RBBP6: variants seen among roughly 807,000 people sequenced by gnomAD.
The protein encoded by RBBP6 is RB binding protein 6, ubiquitin ligase, also known as E3 ubiquitin-protein ligase RBBP6.
A neutral mutation model predicts 167.7 loss-of-function variants in RBBP6; 25 were observed. The observed-to-expected ratio is 0.15, with a 90% CI of 0.11 to 0.21. The LOEUF (loss-of-function observed/expected upper bound fraction) is 0.21. Ranked by LOEUF, RBBP6 falls within the 10% of genes least tolerant of loss-of-function variation. The probability of loss-of-function intolerance (pLI) is 1.00; values close to 1 mark genes in which losing one functional copy is unlikely to be tolerated. For synonymous variants in RBBP6, 789 were observed against 735.8 expected (o/e 1.07, Z -1.17); for missense variants, 1,868 against 2,134.2 (o/e 0.88, Z 2.46).
In RBBP6 at chr16:24,569,355, C is replaced by A. The variant is rs367857102; in HGVS notation, c.2665C>A (p.His889Asn). The A allele has an allele frequency of 1.1e-4, 172 of 1,613,886 alleles. No individual in the cohort carries two copies. Among genetic ancestry groups the A allele is most frequent in the Non-Finnish European group, 1.3e-4 (159 of 1,180,026 alleles). The change falls in exon 17 of 18, where the codon CAT becomes AAT. Residue 889 changes from histidine (H) to asparagine (N), a missense_variant. By Grantham distance (68) the His-to-Asn change is moderately conservative. This residue lies in a region of RBBP6 where 673 missense variants were observed against 691.5 expected (regional missense o/e 0.97). Coordinates refer to ENST00000319715, the MANE Select transcript of RBBP6 (RefSeq NM_006910.5). ...AGAAGACTATGTTGGTGGGCAAAGT[C>A]ATAGAAGTCGAAACATAGGTAGCAA... ...RREDYVGGQS[H>N]RSRNIGSNYP...
chr16:24,564,913 A>T (rs769952192), intron 14 of RBBP6, 48 bp downstream of exon 14: 1 of 1,564,978 alleles, frequency 6.4e-7, no homozygotes, highest in African/African-American at 1.4e-5. Flanking sequence ...TTTTTTATAT[A>T]TATATCTCAC....
At chr16:24,560,935 G>A (rs1013092603) in intron 8 of RBBP6, among the ~76,000 whole-genome samples, 11 of 152,160 alleles carry the variant, frequency 7.2e-5, no homozygotes, top group African/African-American at 2.4e-4. Flanking sequence ...CCTCTTCAGT[G>A]AAGACCAAGG....
At chr16:24,547,471 GT>G (rs1357095693) in intron 2 of RBBP6, among the ~76,000 whole-genome samples, 1 of 151,934 alleles carries the variant, frequency 6.6e-6, no homozygotes, top group Non-Finnish European at 1.5e-5. Flanking sequence ...GTTTTGTTTT[GT>G]TTTTTCCTGA....
At chr16:24,551,087 T>C (rs1596502581) in intron 3 of RBBP6, among the ~76,000 whole-genome samples, 1 of 152,008 alleles carries the variant, frequency 6.6e-6, no homozygotes, top group East Asian at 1.9e-4. Context: ...TCCATCCATG[T>C]TGATACCCCA....
At chr16:24,546,854 T>A (rs1898667375) in intron 2 of RBBP6, among the ~76,000 whole-genome samples, 1 of 152,208 alleles carries the variant, frequency 6.6e-6, no homozygotes, top group African/African-American at 2.4e-5. Context: ...CGTGAGTACT[T>A]AACTCTAGAG....
At chr16:24,560,214 A>G (rs1899016551) in intron 8 of RBBP6, among the ~76,000 whole-genome samples, 2 of 150,814 alleles carry the variant, frequency 1.3e-5, no homozygotes, top group South Asian at 2.1e-4. Context: ...GCTTCACACA[A>G]TTCTGCCTCA....
At chr16:24,547,980 C>T (rs1452551724) in intron 2 of RBBP6, among the ~76,000 whole-genome samples, 2 of 151,516 alleles carry the variant, frequency 1.3e-5, no homozygotes, top group East Asian at 1.9e-4. Flanking sequence ...AAATTTGCCT[C>T]ATAAAATGCA....
rs1243307883 is a variant in RBBP6 at position 24,555,644 on chromosome 16, T to C, written c.378T>C (p.Ser126=). 1.2e-6 allele frequency: 2 copies of C among 1,613,124 alleles called. No homozygotes were observed. The highest frequency in any genetic ancestry group is 2.7e-5 in the African/African-American group (2 of 74,882). Residue 126 remains serine (S), a synonymous_variant, in exon 5 of 18, where the codon TCT becomes TCC. Coordinates refer to ENST00000319715, the MANE Select transcript of RBBP6 (RefSeq NM_006910.5). The part of the protein sequence containing the change: ...KTANLAEANA[S]EEDKIKAMMS... ...CCAATCTGGCTGAAGCCAATGCTTC[T>C]GAAGAAGATAAAATTAAAGCAATGA...
At chr16:24,568,600 G>T in intron 16 of RBBP6, 145 bp from the exon 17 acceptor site, 1 of 1,196,402 alleles carries the variant, frequency 8.4e-7, no homozygotes, top group Non-Finnish European at 1.1e-6. Flanking sequence ...TCCAGTAGAG[G>T]TCACTGTGCC....
Position 24,546,184 on chromosome 16 carries a change from T to C in RBBP6, c.188T>C (p.Leu63Pro), listed in dbSNP as rs1397057372. 1.3e-6 allele frequency: 2 copies of C among 1,586,860 alleles called. No individual in the cohort carries two copies. The highest frequency in any genetic ancestry group is 1.8e-5 in the Admixed American group (1 of 54,218). ...ACAGAATATACTGATGATAATGCTC[T>C]GATTCCTAAGAATTCTTCTGTAATT... is the stretch of plus-strand genomic sequence containing the variant. The part of the protein sequence containing the change: ...TKEEYTDDNA[L>P]IPKNSSVIVR... The change falls in exon 2 of 18, where the codon CTG (leucine) becomes CCG (proline). Residue 63 changes from leucine to proline, a missense_variant. By Grantham distance (98) the Leu-to-Pro change is moderately conservative. This residue lies in a region of RBBP6 where 184 missense variants were observed against 327.7 expected (regional missense o/e 0.56). Transcript: ENST00000319715.
chr16:24,564,711 T>C, intron 13 of RBBP6, 86 bp from the exon 14 acceptor site: 1 of 1,438,710 alleles, frequency 7.0e-7, no homozygotes, highest in Non-Finnish European at 9.2e-7. Context: ...GTAGTTAAAA[T>C]TGGTGTCTTA....
chr16:24,567,934 GA>G (rs760713686), intron 16 of RBBP6, 41 bp downstream of exon 16: 2 of 1,498,442 alleles, frequency 1.3e-6, no homozygotes, highest in Non-Finnish European at 1.9e-6. Context: ...TTACAAACGG[GA>G]CTTTGAATAT....
chr16:24,549,141 T>C (rs992849028), intron 3 of RBBP6, 160 bp downstream of exon 3: 1 of 1,473,098 alleles, frequency 6.8e-7, no homozygotes, highest in Non-Finnish European at 9.0e-7. Flanking sequence ...ATGGATAATA[T>C]GTGGCATCAC....
chr16:24,546,115 G>C lies in RBBP6; in HGVS notation c.167-48G>C, dbSNP rs761544865. The C allele has an allele frequency of 7.9e-6, 12 of 1,520,926 alleles. No homozygotes were observed. In the African/African-American group the frequency reaches 1.3e-4, roughly 16 times the overall value. 94.2% of individuals were successfully genotyped at this position (1,520,926 alleles called of 1,614,324 possible). A position where few individuals can be genotyped will look rare whatever the true frequency, so the allele number is the denominator to read the frequency against. The stretch of plus-strand genomic sequence containing the variant: ...TTGAAGTTTTCTAATTCTTGGTTAC[G>C]CACTCAAATCCCCAAATGGAAATTC... On this transcript the variant is annotated intron_variant, in intron 1 of 17. Transcript: ENST00000319715.
At chr16:24,558,313 C>G (rs1898967019) in intron 7 of RBBP6, 1 of 204,332 alleles carries the variant, frequency 4.9e-6, no homozygotes, top group Non-Finnish European at 8.6e-6. Flanking sequence ...ACCCTCTTCA[C>G]TAACACCACT....
At chr16:24,546,357 C>G (rs1898650425) in intron 2 of RBBP6, 95 bp downstream of exon 2, 3 of 1,300,942 alleles carry the variant, frequency 2.3e-6, no homozygotes, top group Non-Finnish European at 3.0e-6. Flanking sequence ...GAACTCATTA[C>G]TTTAACCTTA....
At chr16:24,547,583 G>A (rs1898689995) in intron 2 of RBBP6, among the ~76,000 whole-genome samples, 1 of 152,122 alleles carries the variant, frequency 6.6e-6, no homozygotes, top group Non-Finnish European at 1.5e-5. Context: ...AGCCTCCCAA[G>A]TAGCCAGGAT....
rs146591085 is a variant in RBBP6 at position 24,569,040 on chromosome 16, C to G, written c.2350C>G (p.Arg784Gly). The G allele has an allele frequency of 6.2e-7, 1 of 1,613,964 alleles. No homozygotes were observed. The highest frequency in any genetic ancestry group is 1.3e-5 in the African/African-American group (1 of 74,884). ...QAFRGQSPNK[R>G]NVPQGETERE... Reference sequence around the variant, plus strand: ...GTTTAGGGGACAGTCTCCTAATAAACGTAATGTACCTCAAGGGGAAACAGA... The same window carrying G: ...GTTTAGGGGACAGTCTCCTAATAAAGGTAATGTACCTCAAGGGGAAACAGA... The change falls in exon 17 of 18, where the codon CGT becomes GGT. Residue 784 changes from arginine to glycine, a missense_variant. Around this residue, in one of 7 missense-constraint regions of RBBP6, gnomAD observed 673 missense variants for 691.5 expected, o/e 0.97. Coordinates refer to ENST00000319715, the MANE Select transcript of RBBP6 (RefSeq NM_006910.5).
chr16:24,569,187 A>G lies in RBBP6; in HGVS notation c.2497A>G (p.Lys833Glu). 3 of 1,613,812 alleles carry G rather than the reference A, an allele frequency of 1.9e-6. No individual in the cohort carries two copies. Among genetic ancestry groups the G allele is most frequent in the Non-Finnish European group, 2.5e-6 (3 of 1,179,904 alleles). Residue 833 changes from lysine (K) to glutamate (E), a missense_variant, in exon 17 of 18, where the codon AAA (lysine) becomes GAA (glutamate). Physicochemically the swap from Lys to Glu is moderately conservative, Grantham distance 56. Around this residue, in one of 7 missense-constraint regions of RBBP6, gnomAD observed 673 missense variants for 691.5 expected, o/e 0.97. Transcript: ENST00000319715. The stretch of plus-strand genomic sequence containing the variant: ...AGAACGCTACCGAGAATGGGAGAGA[A>G]AATATAGAGAGTGGTATGAAAAATA... ...EKERYREWER[K>E]YREWYEKYYK... is the part of the protein sequence containing the mutation.
Sources: allele counts gnomAD v4.1 joint callset (sites outside exome capture counted in the v4.1 genomes callset), GRCh38; gene constraint gnomAD v4.1.1; regional missense constraint gnomAD v4.1.1; transcripts MANE v1.5; gene names NCBI Gene and HGNC (gene_info 2026-07-23, HGNC 2026-07-21).